AKAP13: variants seen among roughly 807,000 people sequenced by gnomAD.
AKAP13 encodes A-kinase anchor protein 13.
A neutral mutation model predicts 264.5 loss-of-function variants in AKAP13; 80 were observed. The ratio of observed to expected loss-of-function variants is 0.30; its 90% confidence interval spans 0.25 to 0.36. The LOEUF is 0.36. Among genes scored for constraint, AKAP13 ranks in the 10% least tolerant of loss-of-function variants. The pLI, the probability that AKAP13 is intolerant of heterozygous loss-of-function variation, is 1.00. For missense variants in AKAP13, 3,712 were observed against 3,435.2 expected (o/e 1.08, Z -2.01); for synonymous variants, 1,380 against 1,250.2 (o/e 1.10, Z -2.19).
intron 13 of AKAP13, among the ~76,000 whole-genome samples, chr15:85,669,423 CATT>C (rs1207561798): frequency 6.6e-6 from 1 of 152,110 alleles, no homozygotes; most frequent in African/African-American, 2.4e-5. Context: ...AAGTTTGAAA[CATT>C]GTTAGATGCT....
chr15:85,614,818 A>C (rs1184434700), intron 8 of AKAP13, among the ~76,000 whole-genome samples: 1 of 152,242 alleles, frequency 6.6e-6, no homozygotes, highest in Non-Finnish European at 1.5e-5. Flanking sequence ...ATAGACAGTA[A>C]AATTTCACCT....
At chr15:85,400,434 ATT>A (rs1487262830) in intron 1 of AKAP13, among the ~76,000 whole-genome samples, 9 of 152,098 alleles carry the variant, frequency 5.9e-5, no homozygotes, top group African/African-American at 2.2e-4. Context: ...AAAAAACAAA[ATT>A]TAGTTCTGAA....
chr15:85,486,349 C>G (rs1418561044), intron 2 of AKAP13, among the ~76,000 whole-genome samples: 1 of 151,746 alleles, frequency 6.6e-6, no homozygotes, highest in African/African-American at 2.4e-5. Flanking sequence ...GAGATTTATT[C>G]CTATGTTTTC....
chr15:85,483,422 C>T (rs145558931), intron 1 of AKAP13, among the ~76,000 whole-genome samples: 5 of 151,978 alleles, frequency 3.3e-5, no homozygotes, highest in African/African-American at 1.2e-4. Context: ...GTCAGGAGAT[C>T]GAGACCATCC....
chr15:85,582,276 G>A (rs910526137), intron 7 of AKAP13, among the ~76,000 whole-genome samples, 169 bp downstream of exon 7: 2 of 152,156 alleles, frequency 1.3e-5, no homozygotes, highest in Admixed American at 1.3e-4. Context: ...CGTCATCTCA[G>A]GGTTGGACAG....
intron 29 of AKAP13, among the ~76,000 whole-genome samples, chr15:85,729,157 G>A (rs1351377378): frequency 6.6e-6 from 1 of 152,052 alleles, no homozygotes; most frequent in Non-Finnish European, 1.5e-5. Flanking sequence ...AAATTAGCTG[G>A]GCGTGGTGGC....
At chr15:85,518,805 G>A (rs2076702130) in intron 2 of AKAP13, among the ~76,000 whole-genome samples, 1 of 152,098 alleles carries the variant, frequency 6.6e-6, no homozygotes. Flanking sequence ...CTCCAGCCTG[G>A]GAAACTAAGT....
chr15:85,390,773 A>G (rs1233894040), intron 1 of AKAP13, among the ~76,000 whole-genome samples: 1 of 152,214 alleles, frequency 6.6e-6, no homozygotes, highest in Non-Finnish European at 1.5e-5. Flanking sequence ...TACAGATTGG[A>G]AAAAGGTTCT....
chr15:85,382,878 A>T (rs1377360884), intron 1 of AKAP13, among the ~76,000 whole-genome samples: 1 of 152,214 alleles, frequency 6.6e-6, no homozygotes, highest in Admixed American at 6.5e-5. Context: ...GAGAGCCACT[A>T]ACTGGGGACC....
At chr15:85,624,248 G>T (rs1362101635) in intron 8 of AKAP13, among the ~76,000 whole-genome samples, 1 of 132,870 alleles carries the variant, frequency 7.5e-6, no homozygotes, top group Non-Finnish European at 1.6e-5. Flanking sequence ...TATTTTATAG[G>T]CAGTAATTCA....
At position 85,446,109 on chromosome 15, in the gene AKAP13, A is replaced by T. The variant is rs186862728; in HGVS notation, c.-11-39601A>T. 4.5e-3 allele frequency among the ~76,000 whole-genome samples: 686 copies of T among 152,304 alleles called. 7 individuals carry two copies. Among genetic ancestry groups the T allele is most frequent in the African/African-American group, 0.016 (648 of 41,568 alleles). ...GCAGGAAATAAAGGTATAGATAGTG[A>T]TTTGGGACTAGGGAGTTTGGCTTTA... On this transcript the variant is annotated intron_variant, in intron 1 of 36. Coordinates refer to ENST00000394518, the MANE Select transcript of AKAP13 (RefSeq NM_007200.5).
chr15:85,703,208 G>C (rs1441588322), intron 17 of AKAP13, among the ~76,000 whole-genome samples: 1 of 152,132 alleles, frequency 6.6e-6, no homozygotes, highest in Non-Finnish European at 1.5e-5. Context: ...GGCATTTATA[G>C]TTCATTGCTT....
At chr15:85,489,317 T>C (rs906075689) in intron 2 of AKAP13, among the ~76,000 whole-genome samples, 2 of 152,252 alleles carry the variant, frequency 1.3e-5, no homozygotes, top group Admixed American at 6.5e-5. Flanking sequence ...TTAATTGACT[T>C]GAGCAGGCTC....
chr15:85,390,604 C>T (rs1393133514), intron 1 of AKAP13, among the ~76,000 whole-genome samples: 1 of 152,130 alleles, frequency 6.6e-6, no homozygotes, highest in Non-Finnish European at 1.5e-5. Context: ...AAACTTTACT[C>T]TTGGCATAGG....
Position 85,500,817 on chromosome 15 carries a change from A to AT in AKAP13, c.33+15066dup, listed in dbSNP as rs1400871002. 3.3e-5 allele frequency among the ~76,000 whole-genome samples: 5 copies of AT among 152,284 alleles called. No homozygotes were observed. In the East Asian group the frequency reaches 9.6e-4, roughly 29 times the overall value. On this transcript the variant is annotated intron_variant, in intron 2 of 36. Transcript: ENST00000394518. ...ACCCTTTTTAAACCAGGAAAGAGCTATTGGCTCTGGTGTCTTTGGAGCCCT... is the reference window on the plus strand; with the variant it reads ...ACCCTTTTTAAACCAGGAAAGAGCTATTTGGCTCTGGTGTCTTTGGAGCCCT...
In AKAP13 at chr15:85,747,639, T is replaced by A. The variant is rs1419857162; in HGVS notation, c.*2962T>A. The A allele has an allele frequency of 6.6e-6, 1 of 152,658 alleles. No homozygotes were observed. The highest frequency in any genetic ancestry group is 1.5e-5 in the Non-Finnish European group (1 of 68,030). 9.5% of individuals were successfully genotyped at this position (152,658 alleles called of 1,614,324 possible). ...GACATGTGCACTTTAAATGCTCTCA[T>A]CGGTTGGCTTCATTTTCAAGACAAT... On this transcript the variant is annotated 3_prime_UTR_variant, in exon 37 of 37. Coordinates refer to ENST00000394518, the MANE Select transcript of AKAP13 (RefSeq NM_007200.5).
chr15:85,471,291 C>T (rs1279616785), intron 1 of AKAP13, among the ~76,000 whole-genome samples: 2 of 152,108 alleles, frequency 1.3e-5, no homozygotes, highest in African/African-American at 2.4e-5. Flanking sequence ...GTCAGGAGAT[C>T]GAGACCATCC....
At position 85,708,199 on chromosome 15, in the gene AKAP13, G is replaced by T; in HGVS notation, c.5532+113G>T. ...GGATTTTGTTTATTTTAATCATTTGGTACCAACTTTGAGAACAAATTATAA... is the reference window on the plus strand; with the variant it reads ...GGATTTTGTTTATTTTAATCATTTGTTACCAACTTTGAGAACAAATTATAA... On this transcript the variant is annotated intron_variant, in intron 18 of 36. Coordinates refer to ENST00000394518, the MANE Select transcript of AKAP13 (RefSeq NM_007200.5). The surrounding 1 kb of genome is among the most constrained non-coding windows in gnomAD (Gnocchi z 4.3). The T allele has an allele frequency of 1.0e-6, 1 of 974,902 alleles. No individual in the cohort carries two copies. Among genetic ancestry groups the T allele is most frequent in the Non-Finnish European group, 1.5e-6 (1 of 666,896 alleles). The allele number at this position is 974,902 out of a possible 1,614,324, so 60.4% of individuals were successfully genotyped here.
At chr15:85,478,339 C>G (rs1248885321) in intron 1 of AKAP13, among the ~76,000 whole-genome samples, 1 of 121,028 alleles carries the variant, frequency 8.3e-6, no homozygotes, top group East Asian at 2.0e-4. Flanking sequence ...GTGTACTCTC[C>G]TACACAACTT....
Sources: gnomAD v4.1 joint callset for allele counts (sites outside exome capture counted in the v4.1 genomes callset) on GRCh38, gnomAD v4.1.1 for gene constraint, Gnocchi (gnomAD v3.1) non-coding constraint, MANE v1.5 for transcripts, NCBI Gene and HGNC (gene_info 2026-07-23, HGNC 2026-07-21) for gene names.